The following GALNTL5 variants were observed in gnomAD, a reference collection of about 807,000 sequenced individuals.
GALNTL5 encodes the protein polypeptide N-acetylgalactosaminyltransferase like 5, also known as inactive polypeptide N-acetylgalactosaminyltransferase-like protein 5.
A neutral mutation model predicts 51.0 loss-of-function variants in GALNTL5; 44 were observed. That is an observed-to-expected ratio of 0.86 (90% confidence interval 0.68 to 1.11). GALNTL5 has a LOEUF of 1.11. GALNTL5 is among the 50% of genes least tolerant of loss of function. The probability of loss-of-function intolerance (pLI) is 0.00; values close to 1 mark genes in which losing one functional copy is unlikely to be tolerated. For missense variants in GALNTL5, 528 were observed against 531.8 expected, an observed-to-expected ratio of 0.99 and a Z score of 0.07; for synonymous variants, 192 against 182.8, an observed-to-expected ratio of 1.05 and a Z score of -0.41.
At chr7:152,001,001 G>T (rs2081571266) in intron 5 of GALNTL5, among the ~76,000 whole-genome samples, 1 of 150,216 alleles carries the variant, frequency 6.7e-6, no homozygotes, top group Non-Finnish European at 1.5e-5. Flanking sequence ...CGCCTCCTGG[G>T]GTCAAGTGAT....
chr7:151,956,662 C>T (rs954381176), intron 1 of GALNTL5, 53 bp downstream of exon 1: 4 of 152,146 alleles, frequency 2.6e-5, no homozygotes, highest in African/African-American at 9.7e-5. Flanking sequence ...TGGGGGGAAA[C>T]GTCTTTCACT....
chr7:151,992,876 A>G (rs1198493738), intron 5 of GALNTL5, among the ~76,000 whole-genome samples: 2 of 151,314 alleles, frequency 1.3e-5, no homozygotes, highest in African/African-American at 2.4e-5. Context: ...ATATCTCACA[A>G]CACCCACTTC....
chr7:151,957,952 C>T (rs550766266), intron 1 of GALNTL5: 1 of 151,930 alleles, frequency 6.6e-6, no homozygotes, highest in Admixed American at 6.6e-5. Context: ...GTGCTTGTCA[C>T]AGAGAAAACA....
rs145876075 is a variant in GALNTL5, at chr7:151,989,690, A to G, written c.658+2409A>G. The stretch of plus-strand genomic sequence containing the variant: ...TGTCCTTGAAAAGTTTCACCAATTA[A>G]CAATCTCATCACACAGATAAATTGC... On this transcript the variant is annotated intron_variant, in intron 5 of 8. Coordinates refer to ENST00000392800, the MANE Select transcript of GALNTL5 (RefSeq NM_145292.4). Among the ~76,000 whole-genome samples the G allele has an allele frequency of 7.2e-3, 1,098 of 152,332 alleles. 11 individuals carry two copies. The highest frequency in any genetic ancestry group is 0.025 in the African/African-American group (1,039 of 41,566).
intron 1 of GALNTL5, among the ~76,000 whole-genome samples, chr7:151,961,507 T>C (rs1249649516): frequency 6.6e-6 from 1 of 152,134 alleles, no homozygotes; most frequent in Non-Finnish European, 1.5e-5. Flanking sequence ...CTAGACCCTT[T>C]CTCAAAACAA....
At chr7:151,979,106 CTTTTTTTTTTTT>C (rs397888897) in intron 3 of GALNTL5, among the ~76,000 whole-genome samples, 1 of 71,164 alleles carries the variant, frequency 1.4e-5, no homozygotes, top group Non-Finnish European at 3.0e-5. Context: ...TACTTTTACT[CTTTTTTTTTTTT>C]TTTTTTTTGG....
intron 3 of GALNTL5, among the ~76,000 whole-genome samples, chr7:151,978,027 C>T (rs1347089157): frequency 1.3e-5 from 2 of 151,996 alleles, no homozygotes; most frequent in African/African-American, 2.4e-5. Flanking sequence ...TCTTCCAATT[C>T]ATTAATTTCT....
intron 3 of GALNTL5, among the ~76,000 whole-genome samples, chr7:151,979,377 G>T (rs1052942653): frequency 6.0e-5 from 9 of 149,600 alleles, no homozygotes; most frequent in Non-Finnish European, 8.9e-5. Flanking sequence ...GCCTCCCAAA[G>T]TGCTGGGATT....
chr7:151,988,782 C>A (rs938752610), intron 5 of GALNTL5, among the ~76,000 whole-genome samples: 1 of 150,106 alleles, frequency 6.7e-6, no homozygotes, highest in Non-Finnish European at 1.5e-5. Flanking sequence ...CAATCTGTAA[C>A]CTCCTCCCAC....
In GALNTL5 at chr7:151,967,606, T is replaced by C. The variant is rs2081076044; in HGVS notation, c.247+113T>C. On this transcript the variant is annotated intron_variant, in intron 2 of 8. Transcript: ENST00000392800. ...TTTTAAAGCAATTTACTTTTTAAGA[T>C]ATAAATTATTTTATATAGTGTATAT... 6 of 819,968 alleles carry C rather than the reference T, an allele frequency of 7.3e-6. No homozygotes were observed. The South Asian group carries it at 9.9e-5, about 14-fold the overall frequency. The allele number at this position is 819,968 out of a possible 1,614,324, so 50.8% of individuals were successfully genotyped here. A position where few individuals can be genotyped will look rare whatever the true frequency, so the allele number is the denominator to read the frequency against.
At chr7:151,957,406 G>A (rs1450896097) in intron 1 of GALNTL5, among the ~76,000 whole-genome samples, 6 of 150,312 alleles carry the variant, frequency 4.0e-5, no homozygotes, top group Non-Finnish European at 8.9e-5. Flanking sequence ...AAAAACAGGC[G>A]TGGTGGCACT....
At chr7:152,015,430 G>A (rs2081797046) in intron 8 of GALNTL5, among the ~76,000 whole-genome samples, 1 of 149,570 alleles carries the variant, frequency 6.7e-6, no homozygotes, top group Non-Finnish European at 1.5e-5. Flanking sequence ...CGCGATCTCA[G>A]CTCACTGCAA....
In GALNTL5 at chr7:151,987,086, C is replaced by T. The variant is rs55658050; in HGVS notation, c.536-73C>T. ...AATAGCATGGATTTTAGGAATACGT[C>T]ATAATGATGATACACTGTTTCAATT... is the stretch of plus-strand genomic sequence containing the variant. On this transcript the variant is annotated intron_variant, in intron 4 of 8. Coordinates refer to ENST00000392800, the MANE Select transcript of GALNTL5 (RefSeq NM_145292.4). 10,200 of 1,292,210 alleles carry T rather than the reference C, an allele frequency of 7.9e-3. 608 individuals carry two copies. The African/African-American group carries it at 0.13, about 17-fold the overall frequency. 80.0% of individuals were successfully genotyped at this position (1,292,210 alleles called of 1,614,324 possible). A position where few individuals can be genotyped will look rare whatever the true frequency, so the allele number is the denominator to read the frequency against.
At chr7:151,969,475 G>A (rs958593463) in intron 2 of GALNTL5, among the ~76,000 whole-genome samples, 5 of 152,116 alleles carry the variant, frequency 3.3e-5, no homozygotes, top group Admixed American at 2.6e-4. Context: ...TTTTAATGGC[G>A]GTGATGCAAG....
chr7:151,970,758 T>A, intron 2 of GALNTL5, 187 bp from the exon 3 acceptor site: 1 of 426,620 alleles, frequency 2.3e-6, no homozygotes, highest in Non-Finnish European at 4.3e-6. Context: ...TATTCCTTTA[T>A]AGCAATGCAA....
At chr7:152,016,336 G>A (rs759564357) in intron 8 of GALNTL5, among the ~76,000 whole-genome samples, 17 of 151,694 alleles carry the variant, frequency 1.1e-4, no homozygotes, top group African/African-American at 1.7e-4. Context: ...CCCAGGAGGC[G>A]GAAGTTGCAG....
chr7:151,969,533 A>G (rs2081102379), intron 2 of GALNTL5, among the ~76,000 whole-genome samples: 1 of 152,150 alleles, frequency 6.6e-6, no homozygotes, highest in African/African-American at 2.4e-5. Context: ...TCAACCAGCA[A>G]TGTATCCCCT....
At chr7:151,993,961 A>C (rs12703188) in intron 5 of GALNTL5, among the ~76,000 whole-genome samples, 1 of 152,222 alleles carries the variant, frequency 6.6e-6, no homozygotes, top group African/African-American at 2.4e-5. Context: ...TTTTTTCTTT[A>C]TGGTTGTAGG....
Position 151,991,471 on chromosome 7 carries a change from G to A in GALNTL5, c.658+4190G>A, listed in dbSNP as rs374063390. ...ACTTTGAGTCTACCTGGAACTGTTT[G>A]TTCTGCAAACGGTGTAAATTAAGAA... is the stretch of plus-strand genomic sequence containing the variant. On this transcript the variant is annotated intron_variant, in intron 5 of 8. Coordinates refer to ENST00000392800, the MANE Select transcript of GALNTL5 (RefSeq NM_145292.4). 3.0e-4 allele frequency among the ~76,000 whole-genome samples: 46 copies of A among 152,206 alleles called. 1 individual carries two copies. Among genetic ancestry groups the A allele is most frequent in the African/African-American group, 1.0e-3 (43 of 41,534 alleles).
Sources: allele counts gnomAD v4.1 joint callset (sites outside exome capture counted in the v4.1 genomes callset), GRCh38; gene constraint gnomAD v4.1.1; transcripts MANE v1.5; gene names NCBI Gene and HGNC (gene_info 2026-07-23, HGNC 2026-07-21).